Variants in ARHGEF3 observed in about 807,000 individuals in gnomAD.
ARHGEF3 encodes the protein 59.8 kDA protein.
Under a neutral mutation model 63.2 loss-of-function variants are expected in ARHGEF3, and 28 were observed. The observed-to-expected ratio is 0.44, with a 90% CI of 0.33 to 0.61. The LOEUF is 0.61. Among genes scored for constraint, ARHGEF3 ranks in the 20% least tolerant of loss-of-function variants. The pLI, the probability that ARHGEF3 is intolerant of heterozygous loss-of-function variation, is 0.03. For missense variants in ARHGEF3, 533 were observed against 659.3 expected, an observed-to-expected ratio of 0.81 and a Z score of 2.10; for synonymous variants, 266 against 254.2, an observed-to-expected ratio of 1.05 and a Z score of -0.44.
intron 1 of ARHGEF3, among the ~76,000 whole-genome samples, chr3:56,793,660 T>C (rs1196349050): frequency 6.6e-6 from 1 of 152,220 alleles, no homozygotes; most frequent in Non-Finnish European, 1.5e-5. Context: ...AATAGCACCT[T>C]ATTATTGCCT....
chr3:56,764,347 C>A (rs1282630051), intron 2 of ARHGEF3, among the ~76,000 whole-genome samples: 1 of 152,076 alleles, frequency 6.6e-6, no homozygotes, highest in Non-Finnish European at 1.5e-5. Context: ...ATTCCACAAG[C>A]TGAAATGGAA....
At chr3:56,953,128 C>T (rs866984824) in intron 3 of ARHGEF3, among the ~76,000 whole-genome samples, 13 of 152,188 alleles carry the variant, frequency 8.5e-5, no homozygotes, top group Admixed American at 2.0e-4. Context: ...AAAGTAAATG[C>T]ACAAACTGAG....
chr3:56,895,775 C>T (rs1243971104), intron 3 of ARHGEF3, among the ~76,000 whole-genome samples: 5 of 152,090 alleles, frequency 3.3e-5, no homozygotes, highest in African/African-American at 7.2e-5. Context: ...TCAGGTCCAT[C>T]GTTCTGAGGG....
At chr3:56,818,409 G>T (rs1008091512) in intron 4 of ARHGEF3, among the ~76,000 whole-genome samples, 3 of 152,156 alleles carry the variant, frequency 2.0e-5, no homozygotes, top group Admixed American at 2.0e-4. Context: ...GGTGCTTCTG[G>T]AGTGAGGGGG....
At chr3:56,906,572 A>T (rs985403429) in intron 3 of ARHGEF3, among the ~76,000 whole-genome samples, 3 of 152,220 alleles carry the variant, frequency 2.0e-5, no homozygotes, top group Non-Finnish European at 4.4e-5. Context: ...GTGGTGGTTC[A>T]CGCCTATAAT....
At chr3:56,745,559 TGGTCTCTG>T (rs2034327065) in intron 6 of ARHGEF3, 97 bp from the exon 7 acceptor site, 1 of 1,403,238 alleles carries the variant, frequency 7.1e-7, no homozygotes, top group African/African-American at 1.4e-5. Flanking sequence ...AACACCTAAC[TGGTCTCTG>T]GGTCTGGCTG....
chr3:56,740,766 C>A (rs1377451509), intron 7 of ARHGEF3, among the ~76,000 whole-genome samples: 1 of 152,184 alleles, frequency 6.6e-6, no homozygotes, highest in Non-Finnish European at 1.5e-5. Context: ...GCTGTGACTT[C>A]TCAGTTAACT....
chr3:56,811,381 ATGG>A (rs2038057695), intron 4 of ARHGEF3, among the ~76,000 whole-genome samples: 1 of 140,312 alleles, frequency 7.1e-6, no homozygotes, highest in South Asian at 2.6e-4. Flanking sequence ...GCTGGGGCAG[ATGG>A]TGGGGGTGGG....
intron 4 of ARHGEF3, among the ~76,000 whole-genome samples, chr3:56,753,037 T>C (rs2034869240): frequency 6.6e-6 from 1 of 152,244 alleles, no homozygotes; most frequent in Admixed American, 6.5e-5. Flanking sequence ...ACACAAAATG[T>C]TGATTAGAAA....
rs990305122 is a variant in ARHGEF3, at chr3:56,992,046, G to C, written c.63-33157C>G. 2.4e-4 allele frequency among the ~76,000 whole-genome samples: 37 copies of C among 151,376 alleles called. 1 individual carries two copies. The highest frequency in any genetic ancestry group is 3.4e-3 in the Middle Eastern group (1 of 294). ...TCTCTGTGTGTGTGTGTGTGTGTGT[G>C]TGTGTGTGTGTGTGTGTGTGTGTTC... On this transcript the variant is annotated intron_variant, in intron 2 of 12. Coordinates refer to the ARHGEF3 transcript ENST00000338458.
At chr3:56,787,841 C>T (rs2036900192) in intron 1 of ARHGEF3, among the ~76,000 whole-genome samples, 1 of 152,158 alleles carries the variant, frequency 6.6e-6, no homozygotes, top group Admixed American at 6.6e-5. Context: ...ATACCCATTT[C>T]ACAGTGTAGG....
At chr3:57,055,264 C>T (rs531181209) in intron 1 of ARHGEF3, among the ~76,000 whole-genome samples, 4 of 149,590 alleles carry the variant, frequency 2.7e-5, no homozygotes, top group East Asian at 2.0e-4. Context: ...CAGGTTCAAG[C>T]GATTCTCCTG....
chr3:56,730,271 T>C (rs1026224591), intron 9 of ARHGEF3, among the ~76,000 whole-genome samples: 17 of 152,106 alleles, frequency 1.1e-4, no homozygotes, highest in Non-Finnish European at 2.4e-4. Context: ...GGAGAAGATA[T>C]ATGTAGACAA....
chr3:56,769,697 A>G (rs1258318108), intron 2 of ARHGEF3, among the ~76,000 whole-genome samples: 1 of 152,186 alleles, frequency 6.6e-6, no homozygotes, highest in Non-Finnish European at 1.5e-5. Flanking sequence ...CTCCTGAGGA[A>G]CCAGAGGAAG....
intron 1 of ARHGEF3, among the ~76,000 whole-genome samples, chr3:57,066,094 ACT>A (rs1283232685): frequency 1.3e-5 from 2 of 151,668 alleles, no homozygotes; most frequent in Non-Finnish European, 2.9e-5. Context: ...AGAACAAGAA[ACT>A]CTGCACCCCC....
chr3:56,842,795 T>C (rs1419644895), intron 4 of ARHGEF3, among the ~76,000 whole-genome samples: 1 of 152,160 alleles, frequency 6.6e-6, no homozygotes. Flanking sequence ...ATTCAGATAA[T>C]GGCCAGACAT....
At chr3:56,819,158 T>C (rs904874) in intron 4 of ARHGEF3, among the ~76,000 whole-genome samples, 149,197 of 152,262 alleles carry the variant, frequency 0.98, 73,178 homozygotes, top group East Asian at 1. Context: ...ACATATTCCC[T>C]GGGCCACAAA....
At chr3:56,968,269 A>ATAATATATAAT (rs1700735467) in intron 2 of ARHGEF3, among the ~76,000 whole-genome samples, 1 of 38,578 alleles carries the variant, frequency 2.6e-5, no homozygotes, top group Non-Finnish European at 5.2e-5. Context: ...TTAAATATAT[A>ATAATATATAAT]ATATATAAAA....
At chr3:57,035,989 G>A (rs941895461) in intron 1 of ARHGEF3, among the ~76,000 whole-genome samples, 22 of 152,204 alleles carry the variant, frequency 1.4e-4, no homozygotes, top group Admixed American at 1.1e-3. Context: ...TCCCAGCTGG[G>A]AATATGATTA....
Sources: allele counts gnomAD v4.1 joint callset (sites outside exome capture counted in the v4.1 genomes callset), GRCh38; gene constraint gnomAD v4.1.1; transcripts MANE v1.5; gene names NCBI Gene and HGNC (gene_info 2026-07-23, HGNC 2026-07-21).